WDPCP: variants seen among roughly 807,000 people sequenced by gnomAD.
WDPCP encodes WD repeat containing planar cell polarity effector.
A neutral mutation model predicts 93.1 loss-of-function variants in WDPCP; 71 were observed. The observed-to-expected ratio is 0.76, with a 90% CI of 0.63 to 0.93. The LOEUF is 0.93. Among genes scored for constraint, WDPCP ranks in the 40% least tolerant of loss-of-function variants. The pLI is 0.00. For missense variants in WDPCP, 844 were observed against 887.4 expected, an observed-to-expected ratio of 0.95 and a Z score of 0.62; for synonymous variants, 315 against 315.0, an observed-to-expected ratio of 1.00 and a Z score of 0.00.
At chr2:63,519,358 A>G (rs1374881397) in intron 1 of WDPCP, 1 of 152,212 alleles carries the variant, frequency 6.6e-6, no homozygotes, top group Non-Finnish European at 1.5e-5. Context: ...ACTGTTGCAA[A>G]TGCCCACAGA....
intron 17 of WDPCP, among the ~76,000 whole-genome samples, chr2:63,142,890 A>G: frequency 6.6e-6 from 1 of 150,376 alleles, no homozygotes; most frequent in Admixed American, 6.6e-5. Flanking sequence ...ACACATACAT[A>G]TATACACACA....
intron 14 of WDPCP, among the ~76,000 whole-genome samples, chr2:63,253,753 T>G (rs1365931397): frequency 6.6e-6 from 1 of 152,146 alleles, no homozygotes; most frequent in Non-Finnish European, 1.5e-5. Flanking sequence ...GCTGTGAGGT[T>G]GTGGAGAAAA....
chr2:63,223,338 G>C (rs1249324002), intron 14 of WDPCP, among the ~76,000 whole-genome samples: 1 of 152,090 alleles, frequency 6.6e-6, no homozygotes, highest in East Asian at 1.9e-4. Context: ...GATATTATCA[G>C]AGAACGTTTT....
intron 3 of WDPCP, among the ~76,000 whole-genome samples, chr2:63,614,833 C>T (rs1319304145): frequency 1.3e-5 from 2 of 152,158 alleles, no homozygotes; most frequent in Non-Finnish European, 2.9e-5. Context: ...GGTTTCTCCC[C>T]TCAGTTGATT....
intron 1 of WDPCP, among the ~76,000 whole-genome samples, chr2:63,530,868 T>A (rs1281664843): frequency 1.4e-5 from 1 of 72,932 alleles, no homozygotes; most frequent in Non-Finnish European, 2.6e-5. Context: ...GCCCACACAG[T>A]GTGAGCCAAA....
At chr2:63,723,148 G>A (rs1437083827) in intron 2 of WDPCP, among the ~76,000 whole-genome samples, 3 of 151,544 alleles carry the variant, frequency 2.0e-5, no homozygotes, top group Non-Finnish European at 2.9e-5. Context: ...CAAACACTGC[G>A]GAAGGCCGCA....
intron 2 of WDPCP, among the ~76,000 whole-genome samples, chr2:63,763,753 C>T (rs1670096372): frequency 6.6e-6 from 1 of 152,050 alleles, no homozygotes; most frequent in Non-Finnish European, 1.5e-5. Context: ...TCATTTTCTT[C>T]CATTATGGCT....
intron 1 of WDPCP, among the ~76,000 whole-genome samples, chr2:63,583,275 G>A (rs145754376): frequency 3.3e-5 from 5 of 152,122 alleles, no homozygotes; most frequent in African/African-American, 7.2e-5. Flanking sequence ...GAGATAAAAT[G>A]GAATTGTAAA....
At chr2:63,807,110 CA>C (rs2104064974) in intron 2 of WDPCP, among the ~76,000 whole-genome samples, 1 of 152,260 alleles carries the variant, frequency 6.6e-6, no homozygotes, top group Admixed American at 6.5e-5. Flanking sequence ...TAAGAAATTA[CA>C]AAAGTATTAA....
intron 14 of WDPCP, among the ~76,000 whole-genome samples, chr2:63,239,583 T>C (rs1019172627): frequency 3.9e-5 from 6 of 152,208 alleles, no homozygotes; most frequent in South Asian, 2.1e-4. Context: ...ACCTTCAGAA[T>C]TGATATAAAT....
At chr2:63,706,366 A>G (rs1669152695) in intron 2 of WDPCP, among the ~76,000 whole-genome samples, 1 of 152,112 alleles carries the variant, frequency 6.6e-6, no homozygotes, top group African/African-American at 2.4e-5. Context: ...TTTGCTCATT[A>G]GTTGATGCAG....
intron 9 of WDPCP, among the ~76,000 whole-genome samples, chr2:63,424,267 A>AGGGGGGGGGG (rs1696088139): frequency 8.1e-6 from 1 of 123,514 alleles, no homozygotes; most frequent in Non-Finnish European, 1.7e-5. Flanking sequence ...CGGGGGTGGG[A>AGGGGGGGGGG]GAGGGGGTGT....
Position 63,538,821 on chromosome 2 carries a change from T to C in WDPCP, c.76-45881A>G, listed in dbSNP as rs7568491. Reference sequence around the variant, plus strand: ...AGCAGAAAAGATAAAACTAGTCTGATAGAATTTCATTATATAATAGCTCTG... The same window carrying C: ...AGCAGAAAAGATAAAACTAGTCTGACAGAATTTCATTATATAATAGCTCTG... On this transcript the variant is annotated intron_variant, in intron 1 of 17. Coordinates refer to ENST00000272321, the MANE Select transcript of WDPCP (RefSeq NM_015910.7). Among the ~76,000 whole-genome samples the C allele has an allele frequency of 8.5e-4, 129 of 152,336 alleles. 1 individual carries two copies. Among genetic ancestry groups the C allele is most frequent in the African/African-American group, 2.9e-3 (122 of 41,592 alleles).
In WDPCP at chr2:63,121,763, A is replaced by C; in HGVS notation, c.*243T>G. The C allele has an allele frequency of 1.9e-6, 2 of 1,036,408 alleles. No individual in the cohort carries two copies. The highest frequency in any genetic ancestry group is 2.6e-6 in the Non-Finnish European group (2 of 769,344). The allele number at this position is 1,036,408 out of a possible 1,614,324, so 64.2% of individuals were successfully genotyped here. A position where few individuals can be genotyped will look rare whatever the true frequency, so the allele number is the denominator to read the frequency against. On this transcript the variant is annotated 3_prime_UTR_variant, in exon 18 of 18. Coordinates refer to ENST00000272321, the MANE Select transcript of WDPCP (RefSeq NM_015910.7). ...AACATACAATTTAAGACACTTTCAAAATTTTACATTATTGAAAATAAGTAG... is the reference window on the plus strand; with the variant it reads ...AACATACAATTTAAGACACTTTCAACATTTTACATTATTGAAAATAAGTAG...
At chr2:63,304,132 C>A (rs1685542252) in intron 13 of WDPCP, among the ~76,000 whole-genome samples, 1 of 152,146 alleles carries the variant, frequency 6.6e-6, no homozygotes, top group Non-Finnish European at 1.5e-5. Flanking sequence ...AATCCCACAA[C>A]TGGGCATCTA....
chr2:63,813,761 T>C (rs1254147885), intron 1 of WDPCP: 3 of 152,172 alleles, frequency 2.0e-5, no homozygotes, highest in African/African-American at 7.2e-5. Flanking sequence ...ATTGAATGAA[T>C]GGATAAATGT....
intron 14 of WDPCP, among the ~76,000 whole-genome samples, chr2:63,210,663 C>T (rs1418629066): frequency 6.6e-6 from 1 of 152,190 alleles, no homozygotes; most frequent in Non-Finnish European, 1.5e-5. Flanking sequence ...AAGGCATTGC[C>T]TCACCCAGGA....
At chr2:63,653,727 A>C (rs915907628) in intron 2 of WDPCP, among the ~76,000 whole-genome samples, 22 of 152,192 alleles carry the variant, frequency 1.4e-4, no homozygotes, top group African/African-American at 5.3e-4. Context: ...CCGGGCCAAC[A>C]GGGCGAAACC....
chr2:63,125,936 CTTT>C (rs757992440), intron 17 of WDPCP, among the ~76,000 whole-genome samples: 3 of 123,146 alleles, frequency 2.4e-5, no homozygotes. Context: ...TTTACACAAG[CTTT>C]TTTTTTTTTT....
Sources: gnomAD v4.1 joint callset for allele counts (sites outside exome capture counted in the v4.1 genomes callset) on GRCh38, gnomAD v4.1.1 for gene constraint, MANE v1.5 for transcripts, NCBI Gene and HGNC (gene_info 2026-07-23, HGNC 2026-07-21) for gene names.